ABCC1: variants seen among roughly 807,000 people sequenced by gnomAD.
ABCC1 encodes ATP binding cassette subfamily C member 1 (ABCC1 blood group).
Under a neutral mutation model 172.9 loss-of-function variants are expected in ABCC1, and 83 were observed. The ratio of observed to expected loss-of-function variants is 0.48; its 90% CI spans 0.40 to 0.58. The LOEUF is 0.58. ABCC1 is among the 20% of genes least tolerant of loss of function. The probability of loss-of-function intolerance (pLI) is 0.00; values close to 1 mark genes in which losing one functional copy is unlikely to be tolerated. For missense variants in ABCC1, 1,817 were observed against 2,002.7 expected, an observed-to-expected ratio of 0.91 and a Z score of 1.77; for synonymous variants, 937 against 825.2, an observed-to-expected ratio of 1.14 and a Z score of -2.32.
chr16:16,097,213 A>G (rs948460369), intron 19 of ABCC1, among the ~76,000 whole-genome samples: 1 of 152,140 alleles, frequency 6.6e-6, no homozygotes, highest in Non-Finnish European at 1.5e-5. Context: ...CCTGGGTCCA[A>G]GTGATTCTCC....
At chr16:16,017,232 C>G (rs976119722) in intron 5 of ABCC1, among the ~76,000 whole-genome samples, 1 of 152,068 alleles carries the variant, frequency 6.6e-6, no homozygotes, top group South Asian at 2.1e-4. Context: ...TCCCTTAATT[C>G]TTTTCTTCTT....
chr16:16,104,038 C>T (rs1026491007), intron 20 of ABCC1, among the ~76,000 whole-genome samples: 2 of 152,010 alleles, frequency 1.3e-5, no homozygotes, highest in South Asian at 2.1e-4. Context: ...CTTAAGGTGG[C>T]GTGTCTGGAG....
intron 12 of ABCC1, among the ~76,000 whole-genome samples, chr16:16,056,803 G>A (rs562428183): frequency 6.7e-6 from 1 of 148,654 alleles, no homozygotes; most frequent in South Asian, 2.1e-4. Context: ...GGAACCGTTC[G>A]TTATCTATTT....
At chr16:15,958,689 TC>T (rs1194279657) in intron 1 of ABCC1, among the ~76,000 whole-genome samples, 1 of 152,128 alleles carries the variant, frequency 6.6e-6, no homozygotes, top group African/African-American at 2.4e-5. Context: ...GAGGCAAGCT[TC>T]CCCCCGCTTA....
At chr16:16,136,426 T>A (rs1421899866) in intron 28 of ABCC1, 52 bp from the exon 29 acceptor site, 1 of 1,597,952 alleles carries the variant, frequency 6.3e-7, no homozygotes, top group African/African-American at 1.3e-5. Flanking sequence ...CCTCCATCCA[T>A]GTCAGCGTGA....
intron 1 of ABCC1, among the ~76,000 whole-genome samples, chr16:15,981,260 C>T (rs1228864328): frequency 6.6e-6 from 1 of 152,190 alleles, no homozygotes; most frequent in African/African-American, 2.4e-5. Context: ...GGATGGTGGC[C>T]CTCTTCTCAC....
chr16:16,124,335 GT>G, intron 24 of ABCC1, among the ~76,000 whole-genome samples: 1 of 87,926 alleles, frequency 1.1e-5, no homozygotes, highest in South Asian at 4.8e-4. Context: ...GTGTGTGTGT[GT>G]GTGTGTGTGT....
At chr16:16,023,607 C>A (rs1484707843) in intron 5 of ABCC1, among the ~76,000 whole-genome samples, 2 of 152,122 alleles carry the variant, frequency 1.3e-5, no homozygotes, top group East Asian at 1.9e-4. Flanking sequence ...AGAAACAGAC[C>A]TTGACCACTG....
At chr16:16,016,367 T>C (rs2047996502) in intron 4 of ABCC1, 129 bp from the exon 5 acceptor site, 1 of 1,159,870 alleles carries the variant, frequency 8.6e-7, no homozygotes, top group Admixed American at 2.1e-5. Context: ...TTGACCAGGA[T>C]GGTCTCCAAC....
chr16:16,008,111 AAGGC>A, intron 2 of ABCC1, 119 bp downstream of exon 2: 1 of 1,031,640 alleles, frequency 9.7e-7, no homozygotes, highest in Non-Finnish European at 1.4e-6. Context: ...CTTCTTCTAG[AAGGC>A]AGAAGAATAA....
intron 19 of ABCC1, among the ~76,000 whole-genome samples, chr16:16,092,473 C>T (rs909014856): frequency 2.0e-5 from 3 of 152,178 alleles, no homozygotes; most frequent in Non-Finnish European, 4.4e-5. Context: ...ATATAAATGC[C>T]ATCACAATAG....
At chr16:16,046,054 C>T (rs1295146376) in intron 9 of ABCC1, 41 bp downstream of exon 9, 1 of 1,601,912 alleles carries the variant, frequency 6.2e-7, no homozygotes, top group East Asian at 2.3e-5. Context: ...CCGACTTCCA[C>T]ATCCCCTCCT....
intron 16 of ABCC1, among the ~76,000 whole-genome samples, chr16:16,082,712 A>G (rs1252929938): frequency 6.6e-6 from 1 of 152,164 alleles, no homozygotes; most frequent in Non-Finnish European, 1.5e-5. Flanking sequence ...GGCACGGTGC[A>G]ATCTCAGCTC....
intron 26 of ABCC1, among the ~76,000 whole-genome samples, chr16:16,127,001 C>T (rs2299670): frequency 0.56 from 85,210 of 151,882 alleles, 25,380 homozygotes; most frequent in Middle Eastern, 0.68. Context: ...GACTAGGACC[C>T]GTGCCTCCAG....
chr16:16,000,200 G>A (rs1207195610), intron 1 of ABCC1, among the ~76,000 whole-genome samples: 6 of 151,442 alleles, frequency 4.0e-5, no homozygotes, highest in Non-Finnish European at 7.4e-5. Context: ...AGGTTGGAGT[G>A]CAATGGTGTG....
intron 1 of ABCC1, among the ~76,000 whole-genome samples, chr16:15,987,363 C>T (rs2046766580): frequency 6.6e-6 from 1 of 152,150 alleles, no homozygotes; most frequent in South Asian, 2.1e-4. Context: ...GGGTGAGGAG[C>T]TGAAGCCCCA....
chr16:16,016,761 C>A, intron 5 of ABCC1, 140 bp downstream of exon 5: 1 of 1,283,984 alleles, frequency 7.8e-7, no homozygotes, highest in Non-Finnish European at 1.1e-6. Flanking sequence ...TATCATCCCA[C>A]CTACTTTACA....
At chr16:16,092,858 G>A (rs2051309715) in intron 19 of ABCC1, among the ~76,000 whole-genome samples, 4 of 152,190 alleles carry the variant, frequency 2.6e-5, no homozygotes, top group Admixed American at 2.0e-4. Context: ...GGATGGTGGT[G>A]CACACCTGTA....
At chr16:15,961,334 C>CTA (rs2046127054) in intron 1 of ABCC1, among the ~76,000 whole-genome samples, 1 of 152,082 alleles carries the variant, frequency 6.6e-6, no homozygotes, top group Non-Finnish European at 1.5e-5. Flanking sequence ...AGAGGACTTT[C>CTA]TATAGGTTGC....
Sources: allele counts gnomAD v4.1 joint callset (sites outside exome capture counted in the v4.1 genomes callset), GRCh38; gene constraint gnomAD v4.1.1; transcripts MANE v1.5; gene names NCBI Gene and HGNC (gene_info 2026-07-23, HGNC 2026-07-21).